Variants in FHIT observed in about 807,000 individuals in gnomAD.
FHIT encodes the protein bis(5'-adenosyl)-triphosphatase.
A neutral mutation model predicts 17.9 loss-of-function variants in FHIT; 19 were observed. The ratio of observed to expected loss-of-function variants is 1.06; its 90% CI spans 0.74 to 1.56. The LOEUF (loss-of-function observed/expected upper bound fraction) is 1.56. Ranked by LOEUF, FHIT falls within the 40% of genes most tolerant of loss-of-function variation. FHIT has a pLI of 0.00. For synonymous variants in FHIT, 81 were observed against 69.7 expected, an observed-to-expected ratio of 1.16 and a Z score of -0.81; for missense variants, 248 against 189.2, an observed-to-expected ratio of 1.31 and a Z score of -1.82.
intron 1 of FHIT, among the ~76,000 whole-genome samples, chr3:61,245,858 T>C (rs571551090): frequency 6.6e-6 from 1 of 152,270 alleles, no homozygotes; most frequent in East Asian, 1.9e-4. Context: ...AGCAACTCCA[T>C]CTTCAATAGG....
chr3:60,550,460 A>G (rs975216143), intron 4 of FHIT, among the ~76,000 whole-genome samples: 1 of 152,224 alleles, frequency 6.6e-6, no homozygotes, highest in Non-Finnish European at 1.5e-5. Flanking sequence ...TAAGTCATCA[A>G]CTTATGTCAC....
chr3:60,510,407 C>T (rs1488533675), intron 5 of FHIT, among the ~76,000 whole-genome samples: 1 of 152,166 alleles, frequency 6.6e-6, no homozygotes, highest in Non-Finnish European at 1.5e-5. Context: ...AATTTTAGGA[C>T]CCCCTAAGAA....
At chr3:60,481,469 T>G (rs371474556) in intron 5 of FHIT, among the ~76,000 whole-genome samples, 2 of 152,120 alleles carry the variant, frequency 1.3e-5, no homozygotes, top group Non-Finnish European at 2.9e-5. Flanking sequence ...AGACTAACAG[T>G]GGACCTCTCA....
chr3:60,477,903 G>A lies in FHIT; in HGVS notation c.103+58957C>T, dbSNP rs2033426106. On this transcript the variant is annotated intron_variant, in intron 5 of 9. Transcript: ENST00000492590. ...ACCCTGTTCATAGTACGAATGAAAG[G>A]TGAATTATCTTGGTCTAGTTTGAGT... 2.6e-5 allele frequency among the ~76,000 whole-genome samples: 4 copies of A among 152,244 alleles called. No homozygotes were observed. The South Asian group carries it at 8.3e-4, about 32-fold the overall frequency.
At chr3:60,284,807 A>T (rs949338399) in intron 5 of FHIT, among the ~76,000 whole-genome samples, 4 of 152,146 alleles carry the variant, frequency 2.6e-5, no homozygotes, top group Non-Finnish European at 5.9e-5. Context: ...CAGTAGTGGT[A>T]GCAATGGTGT....
chr3:60,300,887 T>G (rs111247300), intron 5 of FHIT, among the ~76,000 whole-genome samples: 2,939 of 152,142 alleles, frequency 0.019, 82 homozygotes, highest in African/African-American at 0.055. Flanking sequence ...TCTGCTTCAC[T>G]CCATCAGCCC....
At chr3:60,355,954 C>A (rs1225419996) in intron 5 of FHIT, among the ~76,000 whole-genome samples, 3 of 152,170 alleles carry the variant, frequency 2.0e-5, no homozygotes, top group Non-Finnish European at 4.4e-5. Context: ...CAAATCAACA[C>A]CCAAACTCAA....
At chr3:60,764,275 G>A (rs1553720848) in intron 4 of FHIT, among the ~76,000 whole-genome samples, 1 of 151,732 alleles carries the variant, frequency 6.6e-6, no homozygotes, top group African/African-American at 2.4e-5. Flanking sequence ...ACATATACTA[G>A]ACACACTGTA....
chr3:61,135,949 C>T (rs1362867988), intron 2 of FHIT, among the ~76,000 whole-genome samples: 22 of 152,086 alleles, frequency 1.4e-4, no homozygotes, highest in Admixed American at 1.4e-3. Context: ...GAACAAAAGG[C>T]AAATCTGATT....
At chr3:60,640,445 T>C (rs2039698573) in intron 4 of FHIT, among the ~76,000 whole-genome samples, 1 of 152,164 alleles carries the variant, frequency 6.6e-6, no homozygotes, top group Admixed American at 6.5e-5. Flanking sequence ...GTTCACTTAG[T>C]GAACAGGAAA....
At chr3:60,183,896 A>C (rs746324303) in intron 5 of FHIT, among the ~76,000 whole-genome samples, 7 of 152,170 alleles carry the variant, frequency 4.6e-5, no homozygotes, top group Non-Finnish European at 7.3e-5. Flanking sequence ...CATATATGCC[A>C]CACCTAGTTT....
At chr3:60,259,279 T>C (rs1235323150) in intron 5 of FHIT, among the ~76,000 whole-genome samples, 2 of 152,118 alleles carry the variant, frequency 1.3e-5, no homozygotes, top group African/African-American at 4.8e-5. Flanking sequence ...TAGTTTTCAT[T>C]CAATCTTTCT....
chr3:59,900,336 G>A (rs989749277), intron 8 of FHIT, among the ~76,000 whole-genome samples: 3 of 152,188 alleles, frequency 2.0e-5, no homozygotes, highest in African/African-American at 7.2e-5. Flanking sequence ...GAGGCTACAT[G>A]GCCTTCAACC....
At chr3:60,258,859 CTTCT>C (rs961837647) in intron 5 of FHIT, among the ~76,000 whole-genome samples, 1 of 152,056 alleles carries the variant, frequency 6.6e-6, no homozygotes, top group Non-Finnish European at 1.5e-5. Context: ...TTTGCTAAAT[CTTCT>C]TTGTGTCCCT....
intron 3 of FHIT, among the ~76,000 whole-genome samples, chr3:61,024,799 ATGCTAAACAT>A (rs1172067428): frequency 6.6e-6 from 1 of 152,202 alleles, no homozygotes; most frequent in East Asian, 1.9e-4. Context: ...AAAATAAAAT[ATGCTAAACAT>A]TGCTTCTGTT....
At chr3:60,576,225 G>T (rs533968245) in intron 4 of FHIT, among the ~76,000 whole-genome samples, 1 of 103,390 alleles carries the variant, frequency 9.7e-6, no homozygotes, top group South Asian at 2.8e-4. Context: ...GAATATGATT[G>T]GTAAAATTTT....
chr3:60,853,639 T>G (rs545313561), intron 3 of FHIT, among the ~76,000 whole-genome samples: 1 of 152,210 alleles, frequency 6.6e-6, no homozygotes, highest in East Asian at 1.9e-4. Context: ...GGATATCTGG[T>G]GTATTTTAGT....
intron 5 of FHIT, among the ~76,000 whole-genome samples, chr3:60,196,732 A>T (rs1210087576): frequency 6.6e-6 from 1 of 152,116 alleles, no homozygotes; most frequent in Non-Finnish European, 1.5e-5. Flanking sequence ...TATAACATAT[A>T]TTACACATAT....
At chr3:61,177,045 C>T (rs933556971) in intron 2 of FHIT, among the ~76,000 whole-genome samples, 3 of 151,984 alleles carry the variant, frequency 2.0e-5, no homozygotes, top group African/African-American at 7.2e-5. Flanking sequence ...GGCATGGCGG[C>T]GGGCGCCTGT....
Sources: allele counts gnomAD v4.1 joint callset (sites outside exome capture counted in the v4.1 genomes callset), GRCh38; gene constraint gnomAD v4.1.1; transcripts MANE v1.5; gene names NCBI Gene and HGNC (gene_info 2026-07-23, HGNC 2026-07-21).